GRIN2C: variants seen among roughly 807,000 people sequenced by gnomAD.
GRIN2C encodes glutamate receptor ionotropic, NMDA 2C.
In GRIN2C, 64 loss-of-function variants were observed where a neutral mutation model predicts 77.7. The observed-to-expected ratio is 0.82, with a 90% CI of 0.67 to 1.01. The LOEUF (loss-of-function observed/expected upper bound fraction) is 1.01, where lower values mean the gene tolerates loss of function less well. Among genes scored for constraint, GRIN2C ranks in the 50% least tolerant of loss-of-function variants. GRIN2C has a pLI of 0.00. For missense variants in GRIN2C, 1,549 were observed against 1,486.0 expected (o/e 1.04, Z -0.70); for synonymous variants, 792 against 643.4 (o/e 1.23, Z -3.49).
In GRIN2C at chr17:74,850,277, C is replaced by T. The variant is rs779506547; in HGVS notation, c.1420G>A (p.Asp474Asn). The change falls in exon 6 of 13, where the codon GAC (aspartate) becomes AAC (asparagine). Residue 474 changes from aspartate (D) to asparagine (N), a missense_variant. Asp to Asn is a conservative substitution (Grantham distance 23). Around this residue, in one of 3 missense-constraint regions of GRIN2C, gnomAD observed 717 missense variants for 858.1 expected, o/e 0.84. Coordinates refer to ENST00000293190, the MANE Select transcript of GRIN2C (RefSeq NM_000835.6). The surrounding 1 kb of genome is among the most constrained non-coding windows in gnomAD (Gnocchi z 5.3). ...KLARVVKFSY[D>N]LYLVTNGKHG... ...TTGCCGTTGGTCACCAGGTACAGGT[C>T]GTAGGAGAATTTGACCACTCTGGCC... is the stretch of plus-strand genomic sequence containing the variant. 4.3e-6 allele frequency: 7 copies of T among 1,613,772 alleles called. No homozygotes were observed. Among genetic ancestry groups the T allele is most frequent in the Non-Finnish European group, 5.1e-6 (6 of 1,179,992 alleles).
In GRIN2C at chr17:74,849,457, C is replaced by T. The variant is rs374418735; in HGVS notation, c.1645+323G>A. ...ACTCGCTCCTCAACTCCCCACGGGC[C>T]TCCCCCACTCGTTCCACAGTCCTGG... On this transcript the variant is annotated intron_variant, in intron 7 of 12. Transcript: ENST00000293190. This position sits in a 1 kb window ranked among gnomAD's most constrained non-coding sequence, Gnocchi z 4.6. Among the ~76,000 whole-genome samples the T allele has an allele frequency of 6.6e-6, 1 of 152,316 alleles. No homozygotes were observed. The highest frequency in any genetic ancestry group is 1.5e-5 in the Non-Finnish European group (1 of 68,008).
At chr17:74,851,409 G>T (rs3744194) in intron 4 of GRIN2C, 168 bp downstream of exon 4, 162,713 of 578,994 alleles carry the variant, frequency 0.28, 24,008 homozygotes, top group East Asian at 0.43. Context: ...CACCCACCCC[G>T]GGGCACCTGG....
rs1444430384 is a variant in GRIN2C at position 74,843,335 on chromosome 17, G to GGGGGAC, written c.2796_2801dup (p.Ser933_Pro934dup). 6.7e-7 allele frequency: 1 copy of GGGGGAC among 1,498,114 alleles called. No homozygotes were observed. The highest frequency in any genetic ancestry group is 2.5e-5 in the East Asian group (1 of 39,918). The allele number at this position is 1,498,114 out of a possible 1,614,324, so 92.8% of individuals were successfully genotyped here. A position where few individuals can be genotyped will look rare whatever the true frequency, so the allele number is the denominator to read the frequency against. On this transcript the variant is annotated inframe_insertion, in exon 13 of 13. Transcript: ENST00000293190. ...TGGGGCCAGACCGCGGGGTCGGGCA[G>GGGGGAC]GGGGACGGTGGGGGCGCACGGCGGC...
chr17:74,849,878 C>A lies in GRIN2C; in HGVS notation c.1547G>T (p.Arg516Leu). 6.2e-7 allele frequency: 1 copy of A among 1,613,566 alleles called. No individual in the cohort carries two copies. Among genetic ancestry groups the A allele is most frequent in the Non-Finnish European group, 8.5e-7 (1 of 1,179,758 alleles). ...TACAGAGAAGTCTACGATCTCGGAG[C>A]GTTCCTCATTGATGGTGAGGGAGCC... The part of the protein sequence containing the change: ...AIGSLTINEE[R>L]SEIVDFSVPF... Residue 516 changes from arginine (R) to leucine (L), a missense_variant, in exon 7 of 13, where the codon CGC (arginine) becomes CTC (leucine). Physicochemically the swap from Arg to Leu is moderately radical, Grantham distance 102 (BLOSUM62 -2). Transcript: ENST00000293190. The surrounding 1 kb of genome is among the most constrained non-coding windows in gnomAD (Gnocchi z 4.6).
intron 7 of GRIN2C, 117 bp from the exon 8 acceptor site, chr17:74,848,094 G>T: frequency 1.8e-6 from 2 of 1,125,560 alleles, no homozygotes. Flanking sequence ...CCAGCTCTGC[G>T]GACCCAGCCA....
rs776758285 is a variant in GRIN2C at position 74,847,487 on chromosome 17, C to T, written c.1822G>A (p.Ala608Thr). The T allele has an allele frequency of 6.2e-7, 1 of 1,613,848 alleles. No homozygotes were observed. The highest frequency in any genetic ancestry group is 1.1e-5 in the South Asian group (1 of 91,076). Reference sequence around the variant, plus strand: ...GGCACTGAGTTGTTGAAGACCAGCGCCCACAGCAGCCACACGGACTTGCCG... The same window carrying T: ...GGCACTGAGTTGTTGAAGACCAGCGTCCACAGCAGCCACACGGACTTGCCG... ...TIGKSVWLLW[A>T]LVFNNSVPIE... Residue 608 changes from alanine to threonine, a missense_variant, in exon 9 of 13, where the codon GCG becomes ACG. Around this residue, in one of 3 missense-constraint regions of GRIN2C, gnomAD observed 717 missense variants for 858.1 expected, o/e 0.84. Coordinates refer to ENST00000293190, the MANE Select transcript of GRIN2C (RefSeq NM_000835.6). This position sits in a 1 kb window ranked among gnomAD's most constrained non-coding sequence, Gnocchi z 5.2.
chr17:74,861,036 G>A (rs1267515044), upstream of GRIN2C, among the ~76,000 whole-genome samples: 1 of 152,148 alleles, frequency 6.6e-6, no homozygotes, highest in Non-Finnish European at 1.5e-5. Flanking sequence ...CGCCCCGGCG[G>A]CTTCCAGCAG....
rs780052947 is a variant in GRIN2C at position 74,842,646 on chromosome 17, A to C, written c.3491T>G (p.Val1164Gly). 11 of 750,760 alleles carry C rather than the reference A, an allele frequency of 1.5e-5. No individual in the cohort carries two copies. The Middle Eastern group carries it at 6.8e-4, about 46-fold the overall frequency. The allele number at this position is 750,760 out of a possible 1,614,324, so 46.5% of individuals were successfully genotyped here. The change falls in exon 13 of 13, where the codon GTC (valine) becomes GGC (glycine). Residue 1164 changes from valine to glycine, a missense_variant. Transcript: ENST00000293190. ...GGCACAGGGTGGAAGGTGAGGACAGACAGCCCCCCAGCAAAATGGCAGGTG... is the reference window on the plus strand; with the variant it reads ...GGCACAGGGTGGAAGGTGAGGACAGCCAGCCCCCCAGCAAAATGGCAGGTG... ...HAHLPFCWGA[V>G]CPHLPPCASH...
In GRIN2C at chr17:74,850,154, G is replaced by A. The variant is rs889413784; in HGVS notation, c.1491+52C>T. 48 of 1,590,284 alleles carry A rather than the reference G, an allele frequency of 3.0e-5. No individual in the cohort carries two copies. In the Admixed American group the frequency reaches 6.7e-4, roughly 22 times the overall value. ...GCATCTGAGAGCCACATGGGGCCTG[G>A]GCAGCAGGTGGGCAGGCAGGGCAGG... On this transcript the variant is annotated intron_variant, in intron 6 of 12. Coordinates refer to ENST00000293190, the MANE Select transcript of GRIN2C (RefSeq NM_000835.6). This position sits in a 1 kb window ranked among gnomAD's most constrained non-coding sequence, Gnocchi z 5.3.
intron 7 of GRIN2C, among the ~76,000 whole-genome samples, chr17:74,848,970 A>T (rs2037544034): frequency 6.7e-6 from 1 of 149,624 alleles, no homozygotes. Flanking sequence ...GTGAGCCAAG[A>T]TGGCACCACT....
rs1190992476 is a variant in GRIN2C at position 74,843,561 on chromosome 17, GT to G, written c.2584-9del. The stretch of plus-strand genomic sequence containing the variant: ...GAAGCAGCTGTAGATGCCCTGGGCA[GT>G]AGGGAGACGACAGGCCGTAAGCAGC... On this transcript the variant is annotated splice_polypyrimidine_tract_variant and intron_variant, in intron 12 of 12. Coordinates refer to ENST00000293190, the MANE Select transcript of GRIN2C (RefSeq NM_000835.6). 5.2e-6 allele frequency: 8 copies of G among 1,531,916 alleles called. No homozygotes were observed. In the African/African-American group the frequency reaches 1.1e-4, roughly 21 times the overall value. 94.9% of individuals were successfully genotyped at this position (1,531,916 alleles called of 1,614,324 possible). A position where few individuals can be genotyped will look rare whatever the true frequency, so the allele number is the denominator to read the frequency against.
Position 74,849,421 on chromosome 17 carries a change from T to C in GRIN2C, c.1645+359A>G, listed in dbSNP as rs1021071024. On this transcript the variant is annotated intron_variant, in intron 7 of 12. Transcript: ENST00000293190. This position sits in a 1 kb window ranked among gnomAD's most constrained non-coding sequence, Gnocchi z 4.6. ...CTCACCCAGGAAGCAACACACCTCTTCGCACACTACACTCGCTCCTCAACT... is the reference window on the plus strand; with the variant it reads ...CTCACCCAGGAAGCAACACACCTCTCCGCACACTACACTCGCTCCTCAACT... 5.3e-5 allele frequency among the ~76,000 whole-genome samples: 8 copies of C among 152,082 alleles called. No homozygotes were observed. Among genetic ancestry groups the C allele is most frequent in the Admixed American group, 3.9e-4 (6 of 15,272 alleles).
intron 11 of GRIN2C, among the ~76,000 whole-genome samples, chr17:74,845,074 G>A (rs2037415124): frequency 6.6e-6 from 1 of 151,568 alleles, no homozygotes; most frequent in Non-Finnish European, 1.5e-5. Flanking sequence ...TGGGACTACA[G>A]GCACACCACC....
chr17:74,856,261 A>G (rs1209970647), intron 1 of GRIN2C, among the ~76,000 whole-genome samples: 1 of 152,174 alleles, frequency 6.6e-6, no homozygotes, highest in Non-Finnish European at 1.5e-5. Context: ...GGGAAGAGCT[A>G]AAGGGTGGAC....
chr17:74,858,357 C>T (rs923286112), intron 1 of GRIN2C, among the ~76,000 whole-genome samples: 8 of 394 alleles, frequency 0.02, no homozygotes, highest in Admixed American at 0.14. Context: ...GGTTGGGGGT[C>T]GGGGGGTGGG....
intron 1 of GRIN2C, among the ~76,000 whole-genome samples, chr17:74,858,089 G>GCAGTC (rs2037862849): frequency 6.6e-6 from 1 of 152,082 alleles, no homozygotes; most frequent in South Asian, 2.1e-4. Flanking sequence ...GGCAGAATAA[G>GCAGTC]CAGTCTGCCA....
chr17:74,845,825 C>G (rs2037436991), intron 11 of GRIN2C, among the ~76,000 whole-genome samples: 1 of 152,126 alleles, frequency 6.6e-6, no homozygotes, highest in Non-Finnish European at 1.5e-5. Flanking sequence ...GAGCCCCTTC[C>G]TGTCTTCCTG....
At chr17:74,853,849 A>C (rs1400867032) in intron 2 of GRIN2C, 1 of 152,278 alleles carries the variant, frequency 6.6e-6, no homozygotes, top group African/African-American at 2.4e-5. Flanking sequence ...GGGCAGGGCC[A>C]GGAAGCTCAC....
intron 11 of GRIN2C, among the ~76,000 whole-genome samples, chr17:74,844,765 G>A (rs565818155): frequency 8.5e-5 from 13 of 152,184 alleles, no homozygotes; most frequent in African/African-American, 2.9e-4. Context: ...TCCTCCCCCT[G>A]TGCACCCCCA....
Sources: gnomAD v4.1 joint callset for allele counts (sites outside exome capture counted in the v4.1 genomes callset) on GRCh38, gnomAD v4.1.1 for gene constraint, gnomAD v4.1.1 regional missense constraint, Gnocchi (gnomAD v3.1) non-coding constraint, MANE v1.5 for transcripts, NCBI Gene and HGNC (gene_info 2026-07-23, HGNC 2026-07-21) for gene names.